Variants in TUG1 observed in about 807,000 individuals in gnomAD.
TUG1 encodes the protein taurine upregulated gene 1.
exon 1 of TUG1, chr22:30,971,375 C>T (rs922341058): frequency 6.6e-6 from 1 of 152,464 alleles, no homozygotes; most frequent in African/African-American, 2.4e-5. Context: ...TGATAAGATG[C>T]TTTCCTCAGC....
chr22:30,977,627 T>G (rs2041303983), exon 3 of TUG1: 1 of 152,190 alleles, frequency 6.6e-6, no homozygotes, highest in African/African-American at 2.4e-5. Flanking sequence ...TGCTGGTTCT[T>G]CCAGATCATA....
At chr22:30,976,989 A>G (rs913291460) in exon 3 of TUG1, 1 of 152,138 alleles carries the variant, frequency 6.6e-6, no homozygotes, top group Non-Finnish European at 1.5e-5. Context: ...ATTTTCTACT[A>G]CCTTCCAATT....
At chr22:30,977,005 C>T (rs2041295943) in exon 3 of TUG1, 1 of 152,168 alleles carries the variant, frequency 6.6e-6, no homozygotes, top group African/African-American at 2.4e-5. Context: ...CAATTGTCAG[C>T]TCTTTTTTTC....
chr22:30,969,893 C>T (rs1363659541), exon 1 of TUG1: 2 of 152,282 alleles, frequency 1.3e-5, no homozygotes, highest in East Asian at 1.9e-4. Context: ...GGGTTTTCTT[C>T]CGGGCCTAGC....
chr22:30,969,617 C>A, exon 1 of TUG1: 1 of 152,642 alleles, frequency 6.6e-6, no homozygotes, highest in South Asian at 1.8e-4. Flanking sequence ...GGCAGCTGCT[C>A]CGCCCCGCTC....
At chr22:30,970,680 C>G (rs1215353503) in exon 1 of TUG1, 3 of 152,194 alleles carry the variant, frequency 2.0e-5, no homozygotes, top group African/African-American at 7.2e-5. Flanking sequence ...TCCTACTTTA[C>G]ATGTCTAGGC....
At chr22:30,974,161 T>G (rs927753192) in intron 2 of TUG1, 6 of 152,126 alleles carry the variant, frequency 3.9e-5, no homozygotes, top group Admixed American at 3.9e-4. Context: ...CACCTGGTTT[T>G]TTTAAAGTCA....
chr22:30,976,762 A>C (rs1420581217), exon 3 of TUG1: 1 of 152,176 alleles, frequency 6.6e-6, no homozygotes, highest in African/African-American at 2.4e-5. Context: ...AGCTATCCTG[A>C]GCTACTCGAA....
Position 30,977,016 on chromosome 22 carries a change from C to G in TUG1, c.*4541C>G, listed in dbSNP as rs562473575. On this transcript the variant is annotated 3_prime_UTR_variant, in exon 3 of 3. Coordinates refer to ENST00000644773, the Ensembl canonical transcript of TUG1. ...CTTCCAATTGTCAGCTCTTTTTTTC[C>G]TCTCTGGTTTTTCCTATACTTTACA... 4 of 152,122 alleles carry G rather than the reference C, an allele frequency of 2.6e-5. No individual in the cohort carries two copies. The South Asian group carries it at 8.3e-4, about 32-fold the overall frequency. 9.4% of individuals were successfully genotyped at this position (152,122 alleles called of 1,614,324 possible). A position where few individuals can be genotyped will look rare whatever the true frequency, so the allele number is the denominator to read the frequency against.
At chr22:30,973,679 A>G (rs1234506683) in intron 2 of TUG1, 92 bp downstream of exon 2, 1 of 152,256 alleles carries the variant, frequency 6.6e-6, no homozygotes, top group Non-Finnish European at 1.5e-5. Context: ...TCAAAATAAC[A>G]GTGAATTATA....
chr22:30,970,846 G>A (rs1292393391), exon 1 of TUG1: 2 of 152,100 alleles, frequency 1.3e-5, no homozygotes, highest in Admixed American at 6.6e-5. Flanking sequence ...TTTCTTAATC[G>A]AAAGTTAACA....
Position 30,976,125 on chromosome 22 carries a change from T to C in TUG1, c.*3650T>C, listed in dbSNP as rs1678780552. On this transcript the variant is annotated 3_prime_UTR_variant, in exon 3 of 3. Transcript: ENST00000644773. ...TCATCACTGGCATATCTGCCTATTC[T>C]CCAGAATTATTATGACTATTCAGCT... 3 of 151,240 alleles carry C rather than the reference T, an allele frequency of 2.0e-5. No individual in the cohort carries two copies. In the South Asian group the frequency reaches 6.3e-4, roughly 32 times the overall value. 9.4% of individuals were successfully genotyped at this position (151,240 alleles called of 1,614,324 possible). A position where few individuals can be genotyped will look rare whatever the true frequency, so the allele number is the denominator to read the frequency against.
exon 1 of TUG1, chr22:30,970,222 A>G (rs1006035831): frequency 1.3e-5 from 2 of 152,160 alleles, no homozygotes; most frequent in Non-Finnish European, 2.9e-5. Context: ...ATGATGATCC[A>G]TCGCTAGCAA....
exon 1 of TUG1, chr22:30,971,435 GC>G (rs913180280): frequency 3.9e-5 from 6 of 152,622 alleles, no homozygotes; most frequent in African/African-American, 1.4e-4. Flanking sequence ...AAATTCTGTG[GC>G]AAAACATGAG....
chr22:30,971,670 A>G (rs1196665409), exon 1 of TUG1: 2 of 153,172 alleles, frequency 1.3e-5, no homozygotes, highest in East Asian at 1.9e-4. Flanking sequence ...GAAAAGAGAC[A>G]ACGACTGAGC....
exon 1 of TUG1, chr22:30,970,279 C>T (rs757498813): frequency 6.6e-6 from 1 of 152,212 alleles, no homozygotes; most frequent in Non-Finnish European, 1.5e-5. Context: ...ATCACAATTT[C>T]TTCATGCTAC....
intron 2 of TUG1, chr22:30,973,911 G>T (rs2041257365): frequency 1.3e-5 from 2 of 152,124 alleles, no homozygotes; most frequent in Non-Finnish European, 2.9e-5. Flanking sequence ...CATAGGATGT[G>T]TGATCACGTG....
exon 1 of TUG1, chr22:30,969,851 G>C (rs1243515568): frequency 6.6e-6 from 1 of 152,296 alleles, no homozygotes; most frequent in Non-Finnish European, 1.5e-5. Flanking sequence ...CAGCCCCGGG[G>C]TGGGGAGACG....
chr22:30,969,681 G>A (rs1436078550), exon 1 of TUG1: 4 of 152,572 alleles, frequency 2.6e-5, no homozygotes, highest in African/African-American at 7.2e-5. Context: ...CGGGGAGGCG[G>A]GGGTGGCCGG....
Sources: gnomAD v4.1 joint callset for allele counts on GRCh38, gnomAD v4.1.1 for gene constraint, MANE v1.5 for transcripts, NCBI Gene and HGNC (gene_info 2026-07-23, HGNC 2026-07-21) for gene names.